Variants in DRC9 observed in about 807,000 individuals in gnomAD.
DRC9 encodes the protein dynein regulatory complex protein 9.
the DRC9 span, chr3:197,945,705 A>G: frequency 2.0e-6 from 2 of 992,150 alleles, no homozygotes; most frequent in East Asian, 2.4e-5. Flanking sequence ...GGAAAGAAAC[A>G]CTGAGATTAG....
the DRC9 span, among the ~76,000 whole-genome samples, chr3:197,914,909 A>T: frequency 1.3e-5 from 2 of 152,142 alleles, no homozygotes; most frequent in African/African-American, 4.8e-5. Context: ...CACGCCTGTA[A>T]TCCCAGCACT....
chr3:197,925,546 C>T, the DRC9 span, among the ~76,000 whole-genome samples: 2,966 of 150,584 alleles, frequency 0.02, 57 homozygotes, highest in Non-Finnish European at 0.033. Flanking sequence ...CACACCTGTA[C>T]GACCCAGGCC....
the DRC9 span, chr3:197,950,561 C>T: frequency 7.8e-5 from 26 of 332,364 alleles, no homozygotes; most frequent in Non-Finnish European, 1.2e-4. Flanking sequence ...CAGTCTCTTT[C>T]CTCAGCTTTT....
chr3:197,955,443 T>TA, the DRC9 span, among the ~76,000 whole-genome samples: 6 of 152,100 alleles, frequency 3.9e-5, no homozygotes, highest in Non-Finnish European at 8.8e-5. Flanking sequence ...TTGTATTTTT[T>TA]AGTAGAGACA....
the DRC9 span, among the ~76,000 whole-genome samples, chr3:197,891,293 G>C: frequency 6.6e-6 from 1 of 152,176 alleles, no homozygotes. Context: ...ACCATGGACT[G>C]TTGGCAAATT....
At chr3:197,913,550 A>G in the DRC9 span, 15 of 461,888 alleles carry the variant, frequency 3.2e-5, 1 homozygote, top group African/African-American at 3.9e-5. Flanking sequence ...AAATCCTGCC[A>G]TAACTAAGCA....
chr3:197,940,020 G>A, the DRC9 span, among the ~76,000 whole-genome samples: 2 of 152,060 alleles, frequency 1.3e-5, no homozygotes, highest in Non-Finnish European at 2.9e-5. Context: ...TTGAGACAGA[G>A]TCTCACTGTG....
At chr3:197,927,916 A>G in the DRC9 span, among the ~76,000 whole-genome samples, 4 of 136,016 alleles carry the variant, frequency 2.9e-5, no homozygotes, top group Non-Finnish European at 6.3e-5. Flanking sequence ...ATGAGAACAT[A>G]TGGACACAGG....
At chr3:197,946,580 C>T in the DRC9 span, among the ~76,000 whole-genome samples, 3 of 152,020 alleles carry the variant, frequency 2.0e-5, no homozygotes, top group African/African-American at 7.2e-5. Context: ...GAGAAGTTTG[C>T]GTTGTACTGA....
the DRC9 span, chr3:197,892,573 A>G: frequency 6.3e-7 from 1 of 1,594,848 alleles, no homozygotes; most frequent in Non-Finnish European, 8.5e-7. Context: ...CTCCTCAGTG[A>G]GCACCCTAAT....
At chr3:197,891,033 G>A in the DRC9 span, among the ~76,000 whole-genome samples, 1 of 152,080 alleles carries the variant, frequency 6.6e-6, no homozygotes, top group Non-Finnish European at 1.5e-5. Flanking sequence ...TTTCTAACTT[G>A]CTGCTTATCC....
At chr3:197,959,889 T>A in the DRC9 span, 1 of 359,964 alleles carries the variant, frequency 2.8e-6, no homozygotes, top group Non-Finnish European at 5.1e-6. Context: ...CAGAGGGTTG[T>A]ATGTACGTCT....
chr3:197,929,353 A>G, the DRC9 span, among the ~76,000 whole-genome samples: 1 of 152,234 alleles, frequency 6.6e-6, no homozygotes, highest in East Asian at 1.9e-4. This position sits in a 1 kb window ranked among gnomAD's most constrained non-coding sequence, Gnocchi z 4.6. Flanking sequence ...TTTTCTGCCC[A>G]GCCATGCTAC....
At chr3:197,942,146 A>G in the DRC9 span, among the ~76,000 whole-genome samples, 1 of 152,194 alleles carries the variant, frequency 6.6e-6, no homozygotes. Flanking sequence ...AACTTAGACC[A>G]AAAAAGTGAA....
chr3:197,894,301 C>CAT, the DRC9 span, among the ~76,000 whole-genome samples: 3 of 152,132 alleles, frequency 2.0e-5, no homozygotes, highest in Admixed American at 6.5e-5. Context: ...CCACAATGCG[C>CAT]ATATATATAC....
chr3:197,935,212 G>A, the DRC9 span, among the ~76,000 whole-genome samples: 5 of 152,028 alleles, frequency 3.3e-5, no homozygotes, highest in Admixed American at 6.6e-5. Flanking sequence ...AGACTGAGGC[G>A]GGCGGATCAC....
chr3:197,953,940 C>T, the DRC9 span: 3 of 1,574,846 alleles, frequency 1.9e-6, no homozygotes, highest in African/African-American at 4.1e-5. Flanking sequence ...GTGTAGAGGT[C>T]ACCTTGAATT....
chr3:197,955,745 T>C, the DRC9 span: 1 of 1,602,318 alleles, frequency 6.2e-7, no homozygotes, highest in Middle Eastern at 2.2e-4. Context: ...CTTTTTTCCC[T>C]GCAGATGCTG....
chr3:197,952,111 T>G, the DRC9 span, among the ~76,000 whole-genome samples: 2 of 152,018 alleles, frequency 1.3e-5, no homozygotes, highest in East Asian at 3.8e-4. Context: ...AATTTAAGGA[T>G]TTTTAGAACA....
Sources: gnomAD v4.1 joint callset for allele counts (sites outside exome capture counted in the v4.1 genomes callset) on GRCh38, gnomAD v4.1.1 for gene constraint, Gnocchi (gnomAD v3.1) non-coding constraint, MANE v1.5 for transcripts, NCBI Gene and HGNC (gene_info 2026-07-23, HGNC 2026-07-21) for gene names.